The following MYO9A variants were observed in gnomAD, a reference collection of about 807,000 sequenced individuals.
MYO9A encodes unconventional myosin-IXa.
A neutral mutation model predicts 293.3 loss-of-function variants in MYO9A; 103 were observed. The ratio of observed to expected loss-of-function variants is 0.35; its 90% CI spans 0.30 to 0.41. The LOEUF is 0.41. Ranked by LOEUF, MYO9A falls within the 10% of genes least tolerant of loss-of-function variation. The pLI is 1.00. For missense variants in MYO9A, 2,685 were observed against 3,033.0 expected, an observed-to-expected ratio of 0.89 and a Z score of 2.69; for synonymous variants, 1,001 against 1,035.7, an observed-to-expected ratio of 0.97 and a Z score of 0.64.
rs555634621 is a variant in MYO9A at position 72,093,198 on chromosome 15, G to A, written c.-72+24482C>T. Among the ~76,000 whole-genome samples the A allele has an allele frequency of 3.2e-4, 48 of 152,218 alleles. No individual in the cohort carries two copies. In the East Asian group the frequency reaches 3.3e-3, roughly 10 times the overall value. On this transcript the variant is annotated intron_variant, in intron 1 of 41. Coordinates refer to ENST00000356056, the MANE Select transcript of MYO9A (RefSeq NM_006901.4). ...TTTAAAGCAACAAACAAGCTTGAAA[G>A]GGTCGTATATATGAGAGGGGAAAGA...
In MYO9A at chr15:72,046,598, G is replaced by A; in HGVS notation, c.-35C>T. ...TGTCCCATCAGCATGGATAGTATATGTTCAAAGTCGTGCAAACCATTTTCT... is the reference window on the plus strand; with the variant it reads ...TGTCCCATCAGCATGGATAGTATATATTCAAAGTCGTGCAAACCATTTTCT... On this transcript the variant is annotated 5_prime_UTR_variant, in exon 2 of 42. Coordinates refer to ENST00000356056, the MANE Select transcript of MYO9A (RefSeq NM_006901.4). 6.7e-6 allele frequency: 10 copies of A among 1,491,294 alleles called. No individual in the cohort carries two copies. Among genetic ancestry groups the A allele is most frequent in the Non-Finnish European group, 8.9e-6 (10 of 1,120,502 alleles). 92.4% of individuals were successfully genotyped at this position (1,491,294 alleles called of 1,614,324 possible).
intron 1 of MYO9A, among the ~76,000 whole-genome samples, chr15:72,059,366 T>A (rs1008059244): frequency 4.6e-5 from 7 of 152,174 alleles, no homozygotes; most frequent in African/African-American, 1.2e-4. Flanking sequence ...TTGGGGCACA[T>A]TTCTTAGAGG....
At chr15:71,859,846 G>C (rs752864007) in intron 33 of MYO9A, 50 bp from the exon 34 acceptor site, 1 of 1,477,174 alleles carries the variant, frequency 6.8e-7, no homozygotes, top group Non-Finnish European at 9.4e-7. Flanking sequence ...GTACATCAGT[G>C]ATAATAACTT....
chr15:71,993,950 G>A (rs1417424061), intron 10 of MYO9A, among the ~76,000 whole-genome samples: 28 of 78,620 alleles, frequency 3.6e-4, no homozygotes, highest in Middle Eastern at 9.8e-3. Context: ...GCAAGACACC[G>A]TCTCAAAAAA....
chr15:71,869,272 T>C lies in MYO9A; in HGVS notation c.5979+6519A>G, dbSNP rs28397783. On this transcript the variant is annotated intron_variant, in intron 32 of 41. Transcript: ENST00000356056. ...ACAACCTTGCAGATATCAACCACAA[T>C]AGGACAAATAGATATCATATATCTC... Among the ~76,000 whole-genome samples, 862 of 152,210 alleles carry C rather than the reference T, an allele frequency of 5.7e-3. 13 individuals are homozygous for C. The highest frequency in any genetic ancestry group is 0.02 in the African/African-American group (813 of 41,542).
chr15:71,862,913 CT>C, intron 32 of MYO9A, among the ~76,000 whole-genome samples: 1 of 144,250 alleles, frequency 6.9e-6, no homozygotes. Context: ...AGTATGTTTT[CT>C]TTTTCTTTTT....
chr15:71,983,925 A>G (rs900596872), intron 11 of MYO9A, among the ~76,000 whole-genome samples: 1 of 152,230 alleles, frequency 6.6e-6, no homozygotes. Context: ...CTTGCTGCCT[A>G]AACAATATAC....
intron 8 of MYO9A, among the ~76,000 whole-genome samples, chr15:72,002,098 T>C (rs1567369763): frequency 6.6e-6 from 1 of 151,978 alleles, no homozygotes; most frequent in Non-Finnish European, 1.5e-5. Flanking sequence ...CTACTAAAAA[T>C]AAAATTTAAT....
intron 10 of MYO9A, among the ~76,000 whole-genome samples, chr15:71,991,792 C>G (rs1347106243): frequency 6.6e-6 from 1 of 152,172 alleles, no homozygotes; most frequent in East Asian, 1.9e-4. Context: ...CTCGATCTGT[C>G]GCCCAGGCTG....
chr15:71,969,758 T>C (rs1407359886), intron 12 of MYO9A, among the ~76,000 whole-genome samples: 2 of 152,040 alleles, frequency 1.3e-5, no homozygotes, highest in Non-Finnish European at 2.9e-5. Context: ...CTAAAAAAGA[T>C]GGAAAGTTCC....
At position 71,824,931 on chromosome 15, in the gene MYO9A, G is replaced by A. The variant is rs1187596724; in HGVS notation, c.*1649C>T. The A allele has an allele frequency of 6.6e-6, 1 of 152,066 alleles. No homozygotes were observed. The highest frequency in any genetic ancestry group is 6.6e-5 in the Admixed American group (1 of 15,260). 9.4% of individuals were successfully genotyped at this position (152,066 alleles called of 1,614,324 possible). A position where few individuals can be genotyped will look rare whatever the true frequency, so the allele number is the denominator to read the frequency against. The stretch of plus-strand genomic sequence containing the variant: ...TTGTGTAACAGGAGAGAGAGACTCT[G>A]CCTTAACAAAAGACTTAATATTTCC... On this transcript the variant is annotated 3_prime_UTR_variant, in exon 42 of 42. Transcript: ENST00000356056.
At position 72,038,534 on chromosome 15, in the gene MYO9A, G is replaced by A. The variant is rs556659655; in HGVS notation, c.841-5946C>T. Reference sequence around the variant, plus strand: ...ACAGGATTGGGGCAGAGCAAGATGTGGAACAGATCCACAGATCCACTGACT... The same window carrying A: ...ACAGGATTGGGGCAGAGCAAGATGTAGAACAGATCCACAGATCCACTGACT... On this transcript the variant is annotated intron_variant, in intron 2 of 41. Coordinates refer to ENST00000356056, the MANE Select transcript of MYO9A (RefSeq NM_006901.4). Among the ~76,000 whole-genome samples, 31 of 152,212 alleles carry A rather than the reference G, an allele frequency of 2.0e-4. No homozygotes were observed. The South Asian group carries it at 4.4e-3, about 21-fold the overall frequency.
intron 33 of MYO9A, among the ~76,000 whole-genome samples, chr15:71,861,470 ATATAT>A (rs953073572): frequency 2.7e-5 from 4 of 147,808 alleles, no homozygotes; most frequent in East Asian, 3.9e-4. Context: ...AAAATAATAT[ATATAT>A]TATATTTATA....
chr15:71,893,543 G>A (rs1012893195), intron 26 of MYO9A, 136 bp downstream of exon 26: 7 of 689,012 alleles, frequency 1.0e-5, no homozygotes, highest in African/African-American at 1.8e-5. Flanking sequence ...AACAATCTCC[G>A]CTCATGGCTT....
At chr15:71,900,756 T>A (rs964445762) in intron 23 of MYO9A, among the ~76,000 whole-genome samples, 1 of 152,152 alleles carries the variant, frequency 6.6e-6, no homozygotes, top group Non-Finnish European at 1.5e-5. Context: ...GAAAAGATCT[T>A]ATGGAAATGA....
Position 71,880,520 on chromosome 15 carries a change from C to G in MYO9A, c.5437G>C (p.Glu1813Gln), listed in dbSNP as rs2056842294. ...TCCTTCCGGCAACTGCCGGGCAGTT[C>G]TGGGCTCAAAGGAGGTGTTGGGTGA... ...AYHPTPPLSP[E>Q]LPGSCRKEFK... is the part of the protein sequence containing the mutation. The change falls in exon 29 of 42, where the codon GAA becomes CAA. Residue 1813 changes from glutamate to glutamine, a missense_variant. By Grantham distance (29) the Glu-to-Gln change is conservative. Around this residue, in one of 10 missense-constraint regions of MYO9A, gnomAD observed 1,434 missense variants for 1,497.7 expected, o/e 0.96. Coordinates refer to ENST00000356056, the MANE Select transcript of MYO9A (RefSeq NM_006901.4). 1 of 1,614,062 alleles carries G rather than the reference C, an allele frequency of 6.2e-7. No individual in the cohort carries two copies. Among genetic ancestry groups the G allele is most frequent in the African/African-American group, 1.3e-5 (1 of 74,950 alleles).
At chr15:71,877,328 T>C (rs1272852776) in intron 31 of MYO9A, among the ~76,000 whole-genome samples, 2 of 152,152 alleles carry the variant, frequency 1.3e-5, no homozygotes, top group African/African-American at 4.8e-5. Flanking sequence ...TATACAGACT[T>C]CCCAAAACAC....
chr15:71,993,146 T>C (rs1567357504), intron 10 of MYO9A, among the ~76,000 whole-genome samples: 1 of 152,008 alleles, frequency 6.6e-6, no homozygotes, highest in Non-Finnish European at 1.5e-5. Flanking sequence ...AGGTCAGGTG[T>C]TCGAGACCAG....
intron 1 of MYO9A, among the ~76,000 whole-genome samples, chr15:72,103,501 A>G (rs2080458545): frequency 6.6e-6 from 1 of 151,416 alleles, no homozygotes; most frequent in Non-Finnish European, 1.5e-5. Context: ...AAGCAGAAGC[A>G]GTGGCAGCAG....
Sources: allele counts gnomAD v4.1 joint callset (sites outside exome capture counted in the v4.1 genomes callset), GRCh38; gene constraint gnomAD v4.1.1; regional missense constraint gnomAD v4.1.1; transcripts MANE v1.5; gene names NCBI Gene and HGNC (gene_info 2026-07-23, HGNC 2026-07-21).